RPH3AL: variants seen among roughly 807,000 people sequenced by gnomAD.
RPH3AL encodes rab effector Noc2.
A neutral mutation model predicts 43.1 loss-of-function variants in RPH3AL; 38 were observed. The ratio of observed to expected loss-of-function variants is 0.88; its 90% CI spans 0.68 to 1.15. The LOEUF is 1.15. Ranked by LOEUF, RPH3AL falls within the 50% of genes most tolerant of loss-of-function variation. The pLI, the probability that RPH3AL is intolerant of heterozygous loss-of-function variation, is 0.00. For synonymous variants in RPH3AL, 189 were observed against 176.3 expected, an observed-to-expected ratio of 1.07 and a Z score of -0.57; for missense variants, 462 against 423.2, an observed-to-expected ratio of 1.09 and a Z score of -0.81.
At chr17:316,582 G>C (rs1202023801) in intron 5 of RPH3AL, among the ~76,000 whole-genome samples, 2 of 142,754 alleles carry the variant, frequency 1.4e-5, no homozygotes, top group Non-Finnish European at 3.0e-5. Flanking sequence ...CACCTCCATT[G>C]ACCTGTAGTC....
intron 5 of RPH3AL, among the ~76,000 whole-genome samples, chr17:298,814 C>T (rs905413781): frequency 2.0e-5 from 3 of 152,136 alleles, no homozygotes; most frequent in African/African-American, 7.2e-5. Flanking sequence ...AATATTCTAA[C>T]AGCAACAGCA....
chr17:330,857 CAG>C (rs1638876186), intron 2 of RPH3AL: 1 of 146,692 alleles, frequency 6.8e-6, no homozygotes, highest in South Asian at 2.2e-4. Context: ...GCCTGGGTGA[CAG>C]AGCGAGACAT....
intron 7 of RPH3AL, among the ~76,000 whole-genome samples, chr17:232,614 G>A (rs1391303467): frequency 6.6e-6 from 1 of 152,162 alleles, no homozygotes; most frequent in African/African-American, 2.4e-5. Context: ...TGGGAGGGAT[G>A]ACATTCATTC....
At chr17:233,129 C>T (rs1275772741) in intron 7 of RPH3AL, among the ~76,000 whole-genome samples, 1 of 151,420 alleles carries the variant, frequency 6.6e-6, no homozygotes, top group Non-Finnish European at 1.5e-5. Flanking sequence ...ACAGCATGTG[C>T]CTGTCTGTGT....
At chr17:331,823 G>C (rs1305214418) in intron 2 of RPH3AL, 1 of 1,289,164 alleles carries the variant, frequency 7.8e-7, no homozygotes. Context: ...ACTCCAGAGA[G>C]CAGTGCCCTG....
At chr17:214,493 C>T (rs1166863385) in intron 9 of RPH3AL, among the ~76,000 whole-genome samples, 1 of 152,222 alleles carries the variant, frequency 6.6e-6, no homozygotes, top group Admixed American at 6.5e-5. Flanking sequence ...CAATTGGGCG[C>T]AGTGGCTCTT....
intron 1 of RPH3AL, chr17:339,003 C>T (rs531990547): frequency 3.3e-5 from 5 of 153,050 alleles, no homozygotes; most frequent in East Asian, 1.9e-4. Context: ...TGGCTCTCCG[C>T]GGGTCCTGCC....
chr17:215,844 G>A lies in RPH3AL; in HGVS notation c.728-42C>T. On this transcript the variant is annotated intron_variant, in intron 8 of 9. Transcript: ENST00000331302. The surrounding 1 kb of genome is among the most constrained non-coding windows in gnomAD (Gnocchi z 4.1). ...GTGGGCCCCGTGGATCTCAAACCGA[G>A]ACGGGGTGATCTCAGTCCAGTTCCT... The A allele has an allele frequency of 4.6e-6, 6 of 1,301,352 alleles. No individual in the cohort carries two copies. The highest frequency in any genetic ancestry group is 5.9e-6 in the Non-Finnish European group (6 of 1,021,462). 80.6% of individuals were successfully genotyped at this position (1,301,352 alleles called of 1,614,324 possible).
chr17:303,286 G>A (rs1399643411), intron 5 of RPH3AL, among the ~76,000 whole-genome samples: 1 of 152,110 alleles, frequency 6.6e-6, no homozygotes, highest in East Asian at 1.9e-4. Flanking sequence ...AGCTGCCCGG[G>A]AGGCTGAGGT....
chr17:261,082 G>A (rs782329157), intron 6 of RPH3AL, among the ~76,000 whole-genome samples: 2 of 152,208 alleles, frequency 1.3e-5, no homozygotes, highest in Admixed American at 6.5e-5. Context: ...TGCCCGGCAG[G>A]TGCCAGCACA....
At chr17:268,912 T>C (rs1171641271) in intron 6 of RPH3AL, among the ~76,000 whole-genome samples, 2 of 152,040 alleles carry the variant, frequency 1.3e-5, no homozygotes, top group Non-Finnish European at 2.9e-5. Context: ...GGAGTCTCGC[T>C]CCGTCACCCA....
At position 321,430 on chromosome 17, in the gene RPH3AL, G is replaced by A. The variant is rs1236823066; in HGVS notation, c.78-15C>T. Reference sequence around the variant, plus strand: ...CCGTCTGCAGCCTCGAGAGGGAACAGCACAGACGGCGTGGAGGCCTCCCCG... The same window carrying A: ...CCGTCTGCAGCCTCGAGAGGGAACAACACAGACGGCGTGGAGGCCTCCCCG... On this transcript the variant is annotated splice_polypyrimidine_tract_variant and intron_variant, in intron 3 of 9. Coordinates refer to ENST00000331302, the MANE Select transcript of RPH3AL (RefSeq NM_006987.4). 3 of 1,580,040 alleles carry A rather than the reference G, an allele frequency of 1.9e-6. No individual in the cohort carries two copies. Among genetic ancestry groups the A allele is most frequent in the Non-Finnish European group, 1.7e-6 (2 of 1,162,992 alleles).
chr17:249,402 T>A (rs1256108738), intron 6 of RPH3AL, among the ~76,000 whole-genome samples: 1 of 152,046 alleles, frequency 6.6e-6, no homozygotes, highest in African/African-American at 2.4e-5. Flanking sequence ...CCGGGAGGAC[T>A]TGAGGATCAG....
intron 1 of RPH3AL, among the ~76,000 whole-genome samples, chr17:351,073 C>T (rs998507090): frequency 2.0e-5 from 3 of 152,148 alleles, no homozygotes; most frequent in African/African-American, 7.2e-5. Context: ...TGTACCCCTG[C>T]CCATCACCCA....
At chr17:239,367 T>C (rs573554457) in intron 7 of RPH3AL, among the ~76,000 whole-genome samples, 165 of 152,350 alleles carry the variant, frequency 1.1e-3, no homozygotes, top group African/African-American at 3.8e-3. Context: ...AGAAATCTAA[T>C]TGCACCAGCT....
chr17:347,029 C>A lies in RPH3AL; in HGVS notation c.-213+5683G>T, dbSNP rs1043162205. 1.5e-5 allele frequency among the ~76,000 whole-genome samples: 2 copies of A among 134,714 alleles called. 1 individual carries two copies. Among genetic ancestry groups the A allele is most frequent in the Non-Finnish European group, 3.4e-5 (2 of 59,202 alleles). 88.4% of individuals were successfully genotyped at this position (134,714 alleles called of 152,430 possible). On this transcript the variant is annotated intron_variant, in intron 1 of 9. Coordinates refer to ENST00000331302, the MANE Select transcript of RPH3AL (RefSeq NM_006987.4). The stretch of plus-strand genomic sequence containing the variant: ...ATCCCAGCACTTTGGGAGGCCGAGG[C>A]GGGAGGATCACGAGGTCAGGAGATC...
chr17:320,713 G>A (rs1009088678), intron 4 of RPH3AL, among the ~76,000 whole-genome samples: 2 of 152,242 alleles, frequency 1.3e-5, no homozygotes, highest in African/African-American at 4.8e-5. Flanking sequence ...TTCCTGCCCA[G>A]TGCATTTGTG....
chr17:273,148 A>C lies in RPH3AL; in HGVS notation c.438+8620T>G, dbSNP rs1260051946. Among the ~76,000 whole-genome samples the C allele has an allele frequency of 9.8e-4, 26 of 26,540 alleles. 6 individuals carry two copies. The highest frequency in any genetic ancestry group is 2.5e-3 in the East Asian group (2 of 810). The allele number at this position is 26,540 out of a possible 152,430, so 17.4% of individuals were successfully genotyped here. ...GTGACGTCAGGGAGAGACCCCAGCG[A>C]GGGTGATGTCAGGGTGAGACCCCAG... On this transcript the variant is annotated intron_variant, in intron 6 of 9. Coordinates refer to ENST00000331302, the MANE Select transcript of RPH3AL (RefSeq NM_006987.4).
At chr17:270,706 T>A (rs953683837) in intron 6 of RPH3AL, among the ~76,000 whole-genome samples, 2 of 151,690 alleles carry the variant, frequency 1.3e-5, no homozygotes, top group African/African-American at 2.4e-5. Context: ...AAAAAAAAAA[T>A]TTCTCCCATT....
Sources: allele counts gnomAD v4.1 joint callset (sites outside exome capture counted in the v4.1 genomes callset), GRCh38; gene constraint gnomAD v4.1.1; non-coding constraint Gnocchi (gnomAD v3.1); transcripts MANE v1.5; gene names NCBI Gene and HGNC (gene_info 2026-07-23, HGNC 2026-07-21).